The following NUP214 variants were observed in gnomAD, a reference collection of about 807,000 sequenced individuals.
NUP214 encodes nucleoporin 214.
A neutral mutation model predicts 196.2 loss-of-function variants in NUP214; 79 were observed. That is an observed-to-expected ratio of 0.40 (90% CI 0.34 to 0.49). The LOEUF is 0.49. NUP214 is among the 20% of genes least tolerant of loss of function. The probability of loss-of-function intolerance (pLI) is 0.58; values close to 1 mark genes in which losing one functional copy is unlikely to be tolerated. For missense variants in NUP214, 2,468 were observed against 2,539.0 expected (o/e 0.97, Z 0.60); for synonymous variants, 1,020 against 990.5 (o/e 1.03, Z -0.56).
At position 131,197,935 on chromosome 9, in the gene NUP214, A is replaced by AC; in HGVS notation, c.4442dup (p.Thr1482TyrfsTer22). 2 of 1,614,152 alleles carry AC rather than the reference A, an allele frequency of 1.2e-6. No individual in the cohort carries two copies. The highest frequency in any genetic ancestry group is 1.7e-6 in the Non-Finnish European group (2 of 1,180,038). On this transcript the variant is annotated frameshift_variant, in exon 29 of 36. Transcript: ENST00000359428. LOFTEE classifies it high-confidence loss of function. ...ATTTGGTAGCCTCCTGAGTTCAGCAACTACCCCCTCCCTGCCTATGTCCGC... is the reference window on the plus strand; with the variant it reads ...ATTTGGTAGCCTCCTGAGTTCAGCAACCTACCCCCTCCCTGCCTATGTCCGC...
intron 11 of NUP214, among the ~76,000 whole-genome samples, chr9:131,143,284 C>T (rs918006088): frequency 1.3e-5 from 2 of 152,154 alleles, no homozygotes; most frequent in African/African-American, 4.8e-5. Flanking sequence ...TCTGGGATTA[C>T]AGGCATGAGC....
chr9:131,219,276 C>G (rs1834490469), intron 31 of NUP214, among the ~76,000 whole-genome samples: 1 of 152,226 alleles, frequency 6.6e-6, no homozygotes, highest in Admixed American at 6.5e-5. Context: ...AGGATTTAGT[C>G]CAGCTGCGTT....
Position 131,198,824 on chromosome 9 carries a change from G to C in NUP214, c.5330G>C (p.Ser1777Thr). Residue 1777 changes from serine (S) to threonine (T), a missense_variant, in exon 29 of 36, where the codon AGT (serine) becomes ACT (threonine). Ser to Thr is a moderately conservative substitution (Grantham distance 58). Transcript: ENST00000359428. ...TSGSVFGAAS[S>T]TSSSSSFSFG... ...GGAAGTGTCTTTGGTGCCGCCTCAA[G>C]TACCAGTAGCTCCAGTTCCTTCTCA... is the stretch of plus-strand genomic sequence containing the variant. 1.2e-6 allele frequency: 2 copies of C among 1,614,222 alleles called. No individual in the cohort carries two copies. Among genetic ancestry groups the C allele is most frequent in the Non-Finnish European group, 1.7e-6 (2 of 1,180,046 alleles).
At chr9:131,185,129 T>A (rs1260772553) in intron 24 of NUP214, among the ~76,000 whole-genome samples, 1 of 152,218 alleles carries the variant, frequency 6.6e-6, no homozygotes, top group African/African-American at 2.4e-5. Flanking sequence ...TTGAAGTTCA[T>A]TAAAGTTGGA....
At chr9:131,163,762 G>A (rs1304019565) in intron 19 of NUP214, 108 bp from the exon 20 acceptor site, 1 of 753,154 alleles carries the variant, frequency 1.3e-6, no homozygotes, top group East Asian at 2.4e-5. Flanking sequence ...TTTATATATT[G>A]GGGATATTCT....
At chr9:131,130,161 T>TTTTTTTTTTTTTTTTTTTTTTTTG (rs1554728091) in intron 4 of NUP214, among the ~76,000 whole-genome samples, 1 of 136,412 alleles carries the variant, frequency 7.3e-6, no homozygotes, top group South Asian at 2.6e-4. Flanking sequence ...GTTTTTTTTT[T>TTTTTTTTTTTTTTTTTTTTTTTTG]GAGACAGAGT....
chr9:131,179,738 G>A (rs1162771510), intron 24 of NUP214, among the ~76,000 whole-genome samples: 2 of 152,086 alleles, frequency 1.3e-5, no homozygotes, highest in Non-Finnish European at 2.9e-5. Context: ...CTTGTTTGAG[G>A]AATTTTTAGT....
Position 131,199,014 on chromosome 9 carries a change from A to G in NUP214, c.5520A>G (p.Ser1840=), listed in dbSNP as rs1367359629. 6.3e-7 allele frequency: 1 copy of G among 1,582,994 alleles called. No homozygotes were observed. Among genetic ancestry groups the G allele is most frequent in the Non-Finnish European group, 8.6e-7 (1 of 1,163,604 alleles). ...CTGGGTTCAGCTTTTGCCAAGCTTC[A>G]GGTAAGAATTTGTGGAAGCTTTTTA... ...ATSGFSFCQA[S]GFGSSNTGSV... is the part of the protein sequence containing the mutation. The change falls in exon 29 of 36, where the codon TCA becomes TCG. Residue 1840 remains serine, a splice_region_variant and synonymous_variant. Coordinates refer to ENST00000359428, the MANE Select transcript of NUP214 (RefSeq NM_005085.4).
At chr9:131,178,903 A>G (rs937654012) in intron 24 of NUP214, among the ~76,000 whole-genome samples, 1 of 152,016 alleles carries the variant, frequency 6.6e-6, no homozygotes, top group African/African-American at 2.4e-5. Flanking sequence ...CTTCTCTGCC[A>G]TGCCATGTTT....
intron 17 of NUP214, among the ~76,000 whole-genome samples, chr9:131,153,806 A>T (rs1832345175): frequency 6.6e-6 from 1 of 152,138 alleles, no homozygotes; most frequent in Non-Finnish European, 1.5e-5. Flanking sequence ...GCTCGTACTC[A>T]AGAGTCTGGT....
At chr9:131,167,929 G>T (rs1832834187) in intron 21 of NUP214, among the ~76,000 whole-genome samples, 1 of 152,198 alleles carries the variant, frequency 6.6e-6, no homozygotes, top group Non-Finnish European at 1.5e-5. Context: ...CTGTTGCCCA[G>T]GCTGGAGTGT....
At chr9:131,154,680 A>G (rs1341891687) in intron 17 of NUP214, among the ~76,000 whole-genome samples, 3 of 152,146 alleles carry the variant, frequency 2.0e-5, no homozygotes, top group Non-Finnish European at 4.4e-5. Context: ...GCATCCTCAT[A>G]GTTTAGCTCC....
In NUP214 at chr9:131,151,903, T is replaced by C. The variant is rs373495453; in HGVS notation, c.2436+9T>C. ...GTGAAGCTCAGCTTCAGGTAGGAGA[T>C]CTATGTAAATCTGTTTAAAAGATTT... is the stretch of plus-strand genomic sequence containing the variant. On this transcript the variant is annotated intron_variant, in intron 17 of 35. Coordinates refer to ENST00000359428, the MANE Select transcript of NUP214 (RefSeq NM_005085.4). 3.8e-6 allele frequency: 6 copies of C among 1,567,088 alleles called. No homozygotes were observed. The highest frequency in any genetic ancestry group is 5.2e-6 in the Non-Finnish European group (6 of 1,162,034).
rs1445357241 is a variant in NUP214 at position 131,206,691 on chromosome 9, C to G, written c.5592+4974C>G. Reference sequence around the variant, plus strand: ...CTCCTGGCCCAAGTGATCCTCCCACCTGGACCTCCCAAAGTGCTGATGAGA... The same window carrying G: ...CTCCTGGCCCAAGTGATCCTCCCACGTGGACCTCCCAAAGTGCTGATGAGA... On this transcript the variant is annotated intron_variant, in intron 30 of 35. Coordinates refer to ENST00000359428, the MANE Select transcript of NUP214 (RefSeq NM_005085.4). 4.6e-5 allele frequency among the ~76,000 whole-genome samples: 7 copies of G among 152,284 alleles called. No individual in the cohort carries two copies. The East Asian group carries it at 1.4e-3, about 29-fold the overall frequency.
chr9:131,180,620 C>T (rs958065415), intron 24 of NUP214, among the ~76,000 whole-genome samples: 11 of 152,150 alleles, frequency 7.2e-5, no homozygotes, highest in Admixed American at 1.3e-4. Flanking sequence ...CCATTCAGTT[C>T]GTTGGAAGAG....
intron 19 of NUP214, 73 bp from the exon 20 acceptor site, chr9:131,163,797 G>A (rs907809695): frequency 2.5e-5 from 26 of 1,020,090 alleles, no homozygotes; most frequent in Middle Eastern, 4.2e-4. Flanking sequence ...ATATTTAAGA[G>A]GATAGTGTAC....
chr9:131,156,086 C>T (rs1024828907), intron 17 of NUP214, among the ~76,000 whole-genome samples: 1 of 149,290 alleles, frequency 6.7e-6, no homozygotes, highest in Non-Finnish European at 1.5e-5. Context: ...GTCATTTTCA[C>T]AATATTGATT....
chr9:131,170,885 T>G (rs938816630), intron 21 of NUP214, among the ~76,000 whole-genome samples: 1 of 152,050 alleles, frequency 6.6e-6, no homozygotes, highest in Admixed American at 6.5e-5. Context: ...TAGCTCTCCT[T>G]GATCTCAAAA....
rs535447976 is a variant in NUP214 at position 131,157,644 on chromosome 9, G to T, written c.2437-1739G>T. On this transcript the variant is annotated intron_variant, in intron 17 of 35. Transcript: ENST00000359428. Reference sequence around the variant, plus strand: ...CACTCCCAGCTAATTTTTGTTTTTTGTTTTTTGTGTTTTGTTTTGGAGACA... The same window carrying T: ...CACTCCCAGCTAATTTTTGTTTTTTTTTTTTTGTGTTTTGTTTTGGAGACA... 2.3e-3 allele frequency among the ~76,000 whole-genome samples: 354 copies of T among 150,832 alleles called. 1 individual carries two copies. Among genetic ancestry groups the T allele is most frequent in the Non-Finnish European group, 3.8e-3 (258 of 67,590 alleles).
Sources: gnomAD v4.1 joint callset for allele counts (sites outside exome capture counted in the v4.1 genomes callset) on GRCh38, gnomAD v4.1.1 for gene constraint, MANE v1.5 for transcripts, NCBI Gene and HGNC (gene_info 2026-07-23, HGNC 2026-07-21) for gene names.